USP33: variants seen among roughly 807,000 people sequenced by gnomAD.
USP33 encodes ubiquitin specific peptidase 33, also known as ubiquitin carboxyl-terminal hydrolase 33.
Under a neutral mutation model 124.2 loss-of-function variants are expected in USP33, and 46 were observed. That is an observed-to-expected ratio of 0.37 (90% CI 0.29 to 0.47). The LOEUF (loss-of-function observed/expected upper bound fraction) is 0.47, where lower values mean the gene tolerates loss of function less well. Among genes scored for constraint, USP33 ranks in the 20% least tolerant of loss-of-function variants. The pLI is 0.99. For synonymous variants in USP33, 350 were observed against 352.3 expected, an observed-to-expected ratio of 0.99 and a Z score of 0.07; for missense variants, 851 against 1,070.6, an observed-to-expected ratio of 0.79 and a Z score of 2.86.
chr1:77,724,032 T>A lies in USP33; in HGVS notation c.1277-589A>T, dbSNP rs180833297. On this transcript the variant is annotated intron_variant, in intron 11 of 23. Coordinates refer to ENST00000370794, the MANE Select transcript of USP33 (RefSeq NM_201624.3). ...TGTACATATGAGAAAATGAACAAAATTCTAAATTAGCACAAAACCACAAAT... is the reference window on the plus strand; with the variant it reads ...TGTACATATGAGAAAATGAACAAAAATCTAAATTAGCACAAAACCACAAAT... Among the ~76,000 whole-genome samples, 709 of 152,066 alleles carry A rather than the reference T, an allele frequency of 4.7e-3. 2 individuals are homozygous for A. Among genetic ancestry groups the A allele is most frequent in the Admixed American group, 0.01 (158 of 15,266 alleles).
chr1:77,715,681 A>G, intron 18 of USP33, 61 bp downstream of exon 18: 2 of 1,572,338 alleles, frequency 1.3e-6, no homozygotes, highest in Non-Finnish European at 1.7e-6. Flanking sequence ...ATGTCTTAGA[A>G]GTCACTGATA....
chr1:77,734,991 CG>C (rs1211998153), intron 6 of USP33, among the ~76,000 whole-genome samples: 1 of 151,860 alleles, frequency 6.6e-6, no homozygotes, highest in Non-Finnish European at 1.5e-5. Context: ...GGCATGGTGG[CG>C]GGTGCCTGTA....
chr1:77,728,642 A>T lies in USP33; in HGVS notation c.788T>A (p.Val263Glu). The change falls in exon 10 of 24, where the codon GTA (valine) becomes GAA (glutamate). Residue 263 changes from valine to glutamate, a missense_variant. Val to Glu is a moderately radical substitution (Grantham distance 121). Coordinates refer to ENST00000370794, the MANE Select transcript of USP33 (RefSeq NM_201624.3). ...HEELKEQVMEVEEDPQTITTE... is the reference protein window; with the variant it reads ...HEELKEQVMEEEEDPQTITTE... ...GGTTATGGTTTGCGGATCTTCTTCT[A>T]CTTCCATGACTTGCTCTTTCAATTC... is the stretch of plus-strand genomic sequence containing the variant. 6.2e-7 allele frequency: 1 copy of T among 1,613,988 alleles called. No homozygotes were observed. The highest frequency in any genetic ancestry group is 8.5e-7 in the Non-Finnish European group (1 of 1,179,994).
At position 77,697,285 on chromosome 1, in the gene USP33, A is replaced by G; in HGVS notation, c.*32T>C. 1.9e-6 allele frequency: 3 copies of G among 1,549,408 alleles called. No homozygotes were observed. The highest frequency in any genetic ancestry group is 2.6e-6 in the Non-Finnish European group (3 of 1,149,678). On this transcript the variant is annotated 3_prime_UTR_variant, in exon 24 of 24. Coordinates refer to ENST00000370794, the MANE Select transcript of USP33 (RefSeq NM_201624.3). ...GTACATGTCAGGGCACATGAAAATGATTCCTCATTAGAACTCTCTACATCC... is the reference window on the plus strand; with the variant it reads ...GTACATGTCAGGGCACATGAAAATGGTTCCTCATTAGAACTCTCTACATCC...
At chr1:77,721,728 G>A in intron 14 of USP33, 103 bp downstream of exon 14, 2 of 1,004,606 alleles carry the variant, frequency 2.0e-6, no homozygotes. Context: ...GTACTATTAA[G>A]CTGTCTTAAA....
At chr1:77,708,839 T>G (rs559114729) in intron 21 of USP33, among the ~76,000 whole-genome samples, 3 of 152,270 alleles carry the variant, frequency 2.0e-5, no homozygotes, top group African/African-American at 7.2e-5. Flanking sequence ...CACATAATTT[T>G]GATTTTGTTT....
At chr1:77,757,405 T>G (rs761518543) in intron 1 of USP33, among the ~76,000 whole-genome samples, 1 of 152,234 alleles carries the variant, frequency 6.6e-6, no homozygotes, top group Non-Finnish European at 1.5e-5. Flanking sequence ...TATTGTTTCT[T>G]AAAGACTAGT....
rs190618798 is a variant in USP33 at position 77,715,042 on chromosome 1, A to C, written c.2046-259T>G. 3.6e-4 allele frequency: 110 copies of C among 306,672 alleles called. No homozygotes were observed. In the East Asian group the frequency reaches 6.6e-3, roughly 18 times the overall value. 19.0% of individuals were successfully genotyped at this position (306,672 alleles called of 1,614,324 possible). On this transcript the variant is annotated intron_variant, in intron 18 of 23. Coordinates refer to ENST00000370794, the MANE Select transcript of USP33 (RefSeq NM_201624.3). ...AAATGTTTGTTAATAAGATCAAGCTAAATAATTAATCTGCTTCTGTTTCAG... is the reference window on the plus strand; with the variant it reads ...AAATGTTTGTTAATAAGATCAAGCTCAATAATTAATCTGCTTCTGTTTCAG...
chr1:77,739,151 ATT>A, intron 5 of USP33, 112 bp downstream of exon 5: 1 of 1,270,668 alleles, frequency 7.9e-7, no homozygotes. Flanking sequence ...CATTACAGAA[ATT>A]TTCAAAGTAC....
intron 22 of USP33, among the ~76,000 whole-genome samples, chr1:77,698,627 AGTAGCTGG>A (rs1251118438): frequency 4.7e-5 from 7 of 150,414 alleles, no homozygotes; most frequent in African/African-American, 1.7e-4. Flanking sequence ...CAGCCTCCCG[AGTAGCTGG>A]GACTACAGGC....
At position 77,734,436 on chromosome 1, in the gene USP33, A is replaced by G; in HGVS notation, c.455-20T>C. On this transcript the variant is annotated intron_variant, in intron 6 of 23. Coordinates refer to ENST00000370794, the MANE Select transcript of USP33 (RefSeq NM_201624.3). ...TAAGACCTATTAAGAAAAAATATAC[A>G]TGAAGTCATCATTCAATAATGCAAA... The G allele has an allele frequency of 6.8e-7, 1 of 1,474,968 alleles. No homozygotes were observed. The highest frequency in any genetic ancestry group is 9.3e-7 in the Non-Finnish European group (1 of 1,077,252). 91.4% of individuals were successfully genotyped at this position (1,474,968 alleles called of 1,614,324 possible).
rs1289444486 is a variant in USP33, at chr1:77,697,384, A to G, written c.2669T>C (p.Val890Ala). 6.2e-7 allele frequency: 1 copy of G among 1,613,244 alleles called. No individual in the cohort carries two copies. The change falls in exon 24 of 24, where the codon GTT becomes GCT. Residue 890 changes from valine to alanine, a missense_variant. Transcript: ENST00000370794. ...GGPEVILRPP[V>A]VHVDPDILQA... The stretch of plus-strand genomic sequence containing the variant: ...AAGTATATCTGGATCAACATGAACA[A>G]CCGGAGGTCGCAGGATAACTTCAGG...
At chr1:77,704,348 A>G (rs1674378886) in intron 21 of USP33, among the ~76,000 whole-genome samples, 1 of 152,220 alleles carries the variant, frequency 6.6e-6, no homozygotes, top group Non-Finnish European at 1.5e-5. Flanking sequence ...GAGTTCTAAA[A>G]TGTCATATCA....
intron 1 of USP33, among the ~76,000 whole-genome samples, chr1:77,747,157 T>TC (rs1194423057): frequency 6.0e-5 from 9 of 150,838 alleles, no homozygotes; most frequent in Non-Finnish European, 1.2e-4. Context: ...GATTGCCCTC[T>TC]CCCCACTGAA....
intron 20 of USP33, among the ~76,000 whole-genome samples, chr1:77,712,479 C>T (rs1243035229): frequency 6.6e-6 from 1 of 152,118 alleles, no homozygotes; most frequent in African/African-American, 2.4e-5. Context: ...GCTGAGATTG[C>T]ACCACTGCAC....
chr1:77,741,582 A>G (rs975167067), intron 2 of USP33, 35 bp downstream of exon 2: 1 of 1,564,376 alleles, frequency 6.4e-7, no homozygotes, highest in African/African-American at 1.4e-5. Flanking sequence ...AGAAAAGTGA[A>G]TAGTTTTTCA....
At chr1:77,722,579 A>T (rs964551951) in intron 12 of USP33, among the ~76,000 whole-genome samples, 1 of 152,154 alleles carries the variant, frequency 6.6e-6, no homozygotes, top group Non-Finnish European at 1.5e-5. Context: ...ATATTTTTTT[A>T]AAAGGGTGAG....
chr1:77,717,860 T>G lies in USP33; in HGVS notation c.1918+7A>C, dbSNP rs757620098. The G allele has an allele frequency of 3.7e-6, 6 of 1,605,540 alleles. No individual in the cohort carries two copies. Among genetic ancestry groups the G allele is most frequent in the Non-Finnish European group, 5.1e-6 (6 of 1,176,852 alleles). ...TCTAGGAACAACTGTTAAACCTATA[T>G]ACTTACTACTTGCAGTTCCATGATG... On this transcript the variant is annotated splice_region_variant and intron_variant, in intron 17 of 23. Coordinates refer to ENST00000370794, the MANE Select transcript of USP33 (RefSeq NM_201624.3).
intron 13 of USP33, 26 bp downstream of exon 13, chr1:77,721,998 G>C (rs750992701): frequency 6.2e-7 from 1 of 1,607,832 alleles, no homozygotes; most frequent in Non-Finnish European, 8.5e-7. Context: ...TAACAATCAT[G>C]TAATACAAAG....
Sources: allele counts gnomAD v4.1 joint callset (sites outside exome capture counted in the v4.1 genomes callset), GRCh38; gene constraint gnomAD v4.1.1; transcripts MANE v1.5; gene names NCBI Gene and HGNC (gene_info 2026-07-23, HGNC 2026-07-21).